P2RX6: variants seen among roughly 807,000 people sequenced by gnomAD.
P2RX6 encodes P2X purinoceptor 6.
Under a neutral mutation model 54.2 loss-of-function variants are expected in P2RX6, and 62 were observed. The ratio of observed to expected loss-of-function variants is 1.14; its 90% confidence interval spans 0.93 to 1.41. P2RX6 has a LOEUF of 1.41. Among genes scored for constraint, P2RX6 ranks in the 40% most tolerant of loss-of-function variants. The pLI is 0.00. For missense variants in P2RX6, 541 were observed against 566.3 expected, an observed-to-expected ratio of 0.96 and a Z score of 0.45; for synonymous variants, 211 against 231.9, an observed-to-expected ratio of 0.91 and a Z score of 0.82.
Position 21,016,072 on chromosome 22 carries a change from G to A in P2RX6, c.295G>A (p.Asp99Asn), listed in dbSNP as rs577873268. The change falls in exon 2 of 12, where the codon GAC becomes AAC. Residue 99 changes from aspartate (D) to asparagine (N), a missense_variant. This residue lies in a region of P2RX6 where 526 missense variants were observed against 531.5 expected (regional missense o/e 0.99). Transcript: ENST00000413302. ...TGGAAACCGGCTGTGGGATGTGGCCGACTTCGTGAAGCCACCTCAGGTGGG... is the reference window on the plus strand; with the variant it reads ...TGGAAACCGGCTGTGGGATGTGGCCAACTTCGTGAAGCCACCTCAGGTGGG... ...ELGNRLWDVA[D>N]FVKPPQGENV... The A allele has an allele frequency of 5.1e-6, 8 of 1,563,572 alleles. No individual in the cohort carries two copies. Among genetic ancestry groups the A allele is most frequent in the African/African-American group, 1.4e-5 (1 of 73,742 alleles).
rs1927908545 is a variant in P2RX6 at position 21,023,746 on chromosome 22, G to A, written c.890+128G>A. On this transcript the variant is annotated intron_variant, in intron 8 of 11. Coordinates refer to ENST00000413302, the MANE Select transcript of P2RX6 (RefSeq NM_005446.5). ...CTACGTGTGCAAGGGGGTCCCAGGA[G>A]CAGGAGAGAGCTGTTCTCAACCCCA... The A allele has an allele frequency of 2.4e-5, 16 of 680,178 alleles. 1 individual carries two copies. The Admixed American group carries it at 3.5e-4, about 15-fold the overall frequency. The allele number at this position is 680,178 out of a possible 1,614,324, so 42.1% of individuals were successfully genotyped here.
At chr22:21,021,016 G>T (rs1178028380) in intron 3 of P2RX6, among the ~76,000 whole-genome samples, 1 of 152,166 alleles carries the variant, frequency 6.6e-6, no homozygotes, top group Non-Finnish European at 1.5e-5. Flanking sequence ...AGGGCTACCT[G>T]CCACTGGGTG....
Position 21,015,990 on chromosome 22 carries a change from C to T in P2RX6, c.213C>T (p.Pro71=), listed in dbSNP as rs1380113559. The T allele has an allele frequency of 1.9e-6, 3 of 1,550,280 alleles. No individual in the cohort carries two copies. In the African/African-American group the frequency reaches 4.1e-5, roughly 21 times the overall value. The part of the protein sequence containing the change: ...KKGYQERDLE[P]QFSIITKLKG... ...GCTACCAGGAGCGGGACCTGGAACC[C>T]CAGTTTTCCATCATCACCAAACTCA... The change falls in exon 2 of 12, where the codon CCC becomes CCT. Residue 71 remains proline, a synonymous_variant. Transcript: ENST00000413302.
intron 1 of P2RX6, among the ~76,000 whole-genome samples, chr22:21,015,539 A>C (rs1338005901): frequency 6.6e-6 from 1 of 152,072 alleles, no homozygotes; most frequent in Non-Finnish European, 1.5e-5. Flanking sequence ...CTGTGTGTCC[A>C]CTTGCCTCCT....
chr22:21,022,980 C>T lies in P2RX6; in HGVS notation c.502C>T (p.His168Tyr). ...TGQCVVFNGT[H>Y]RTCEIWSWCP... ...CCAGTGTGTGGTGTTCAATGGGACC[C>T]ACAGGACCTGTGAGATCTGGAGTTG... The change falls in exon 5 of 12, where the codon CAC becomes TAC. Residue 168 changes from histidine (H) to tyrosine (Y), a missense_variant. Transcript: ENST00000413302. The T allele has an allele frequency of 6.2e-7, 1 of 1,613,572 alleles. No homozygotes were observed. Among genetic ancestry groups the T allele is most frequent in the Non-Finnish European group, 8.5e-7 (1 of 1,179,600 alleles).
Position 21,022,677 on chromosome 22 carries a change from A to C in P2RX6, c.389A>C (p.His130Pro). ...TGACTGCTCTCTCTCCCACCTCAGC[A>C]CCCGTCCGTCCCACTGGCTAACTGC... ...PAQVQGRCPE[H>P]PSVPLANCWV... The change falls in exon 4 of 12, where the codon CAC becomes CCC. Residue 130 changes from histidine (H) to proline (P), a missense_variant and splice_region_variant. This residue lies in a region of P2RX6 where 526 missense variants were observed against 531.5 expected (regional missense o/e 0.99). Coordinates refer to ENST00000413302, the MANE Select transcript of P2RX6 (RefSeq NM_005446.5). 1 of 1,547,156 alleles carries C rather than the reference A, an allele frequency of 6.5e-7. No homozygotes were observed. The highest frequency in any genetic ancestry group is 8.7e-7 in the Non-Finnish European group (1 of 1,147,968).
intron 3 of P2RX6, among the ~76,000 whole-genome samples, chr22:21,022,474 T>TC (rs1927572732): frequency 6.6e-6 from 1 of 152,226 alleles, no homozygotes; most frequent in Admixed American, 6.5e-5. Flanking sequence ...CGCTCCCTCC[T>TC]CTGACCACCT....
At chr22:21,023,484 T>C in intron 7 of P2RX6, 25 bp from the exon 8 acceptor site, 1 of 1,613,474 alleles carries the variant, frequency 6.2e-7, no homozygotes, top group Non-Finnish European at 8.5e-7. Context: ...CACCCACCGG[T>C]GGAAAAGCTA....
Position 21,017,801 on chromosome 22 carries a change from C to T in P2RX6, c.316-188C>T, listed in dbSNP as rs148313253. On this transcript the variant is annotated intron_variant, in intron 2 of 11. Coordinates refer to ENST00000413302, the MANE Select transcript of P2RX6 (RefSeq NM_005446.5). The stretch of plus-strand genomic sequence containing the variant: ...TCAAGAGATGGACATGGGCACAAGG[C>T]TTCCTGGTCTCAAAAATGGCCAGAA... 290 of 677,100 alleles carry T rather than the reference C, an allele frequency of 4.3e-4. 6 individuals are homozygous for T. In the East Asian group the frequency reaches 4.3e-3, roughly 10 times the overall value. 41.9% of individuals were successfully genotyped at this position (677,100 alleles called of 1,614,324 possible).
At chr22:21,010,721 A>G (rs1221855363), upstream of P2RX6, among the ~76,000 whole-genome samples, 1 of 152,174 alleles carries the variant, frequency 6.6e-6, no homozygotes, top group East Asian at 1.9e-4. Flanking sequence ...GAGAGTGATG[A>G]GACCAAGGAA....
chr22:21,019,012 C>T (rs921300567), intron 3 of P2RX6, among the ~76,000 whole-genome samples: 4 of 152,254 alleles, frequency 2.6e-5, no homozygotes, highest in Admixed American at 6.5e-5. Context: ...GCTGATTCTC[C>T]CCCTGACATT....
chr22:21,026,778 C>T lies in P2RX6; in HGVS notation c.*161C>T, dbSNP rs1046097863. 30 of 1,385,932 alleles carry T rather than the reference C, an allele frequency of 2.2e-5. No homozygotes were observed. The Admixed American group carries it at 7.0e-4, about 33-fold the overall frequency. 85.9% of individuals were successfully genotyped at this position (1,385,932 alleles called of 1,614,324 possible). Reference sequence around the variant, plus strand: ...CTCCCACCTTGGTAGGGTGCTGCCTCAGGGAGCCATAGAAGTCGGCTGTGT... The same window carrying T: ...CTCCCACCTTGGTAGGGTGCTGCCTTAGGGAGCCATAGAAGTCGGCTGTGT... On this transcript the variant is annotated 3_prime_UTR_variant, in exon 12 of 12. Transcript: ENST00000413302. The surrounding 1 kb of genome is among the most constrained non-coding windows in gnomAD (Gnocchi z 4.0).
At chr22:21,011,785 G>T (rs62240969), upstream of P2RX6, among the ~76,000 whole-genome samples, 41,488 of 151,976 alleles carry the variant, frequency 0.27, 6,684 homozygotes, top group Admixed American at 0.38. Flanking sequence ...CCCCCTCCCT[G>T]TGTGCCCACC....
At chr22:21,019,846 G>T (rs2516530) in intron 3 of P2RX6, among the ~76,000 whole-genome samples, 81,115 of 152,158 alleles carry the variant, frequency 0.53, 23,411 homozygotes, top group Non-Finnish European at 0.66. Flanking sequence ...TGGTTGGTTA[G>T]CTGCAGCAGG....
intron 3 of P2RX6, among the ~76,000 whole-genome samples, chr22:21,021,703 G>A (rs897688770): frequency 1.3e-5 from 2 of 152,166 alleles, no homozygotes; most frequent in African/African-American, 2.4e-5. Context: ...GCAGGACCAT[G>A]CCTGGGAGAG....
At chr22:21,010,674 A>C (rs1337275422), upstream of P2RX6, among the ~76,000 whole-genome samples, 2 of 152,156 alleles carry the variant, frequency 1.3e-5, no homozygotes, top group Non-Finnish European at 2.9e-5. Flanking sequence ...GGCAGGTAGA[A>C]GTGCAAATTC....
At chr22:21,022,014 T>G (rs545326920) in intron 3 of P2RX6, among the ~76,000 whole-genome samples, 47 of 152,068 alleles carry the variant, frequency 3.1e-4, no homozygotes, top group Non-Finnish European at 6.2e-4. Context: ...GTCATCCAAA[T>G]TGGACCAGAG....
chr22:21,018,303 C>T, intron 3 of P2RX6: 1 of 500,300 alleles, frequency 2.0e-6, no homozygotes, highest in Non-Finnish European at 3.6e-6. Flanking sequence ...GAGGTTGAGT[C>T]ACTTTCTTAA....
intron 2 of P2RX6, 38 bp downstream of exon 2, chr22:21,016,130 T>C (rs1207058050): frequency 2.6e-6 from 4 of 1,543,816 alleles, no homozygotes; most frequent in Non-Finnish European, 2.6e-6. Context: ...GCGCAAGTCC[T>C]TTCCCCACTG....
Sources: allele counts gnomAD v4.1 joint callset (sites outside exome capture counted in the v4.1 genomes callset), GRCh38; gene constraint gnomAD v4.1.1; regional missense constraint gnomAD v4.1.1; non-coding constraint Gnocchi (gnomAD v3.1); transcripts MANE v1.5; gene names NCBI Gene and HGNC (gene_info 2026-07-23, HGNC 2026-07-21).